C1orf21: variants seen among roughly 807,000 people sequenced by gnomAD.
C1orf21 encodes the protein uncharacterized protein C1orf21.
C1orf21 carries 3 observed loss-of-function variants against 18.7 expected under a neutral mutation model. The ratio of observed to expected loss-of-function variants is 0.16; its 90% CI spans 0.07 to 0.42. C1orf21 has a LOEUF of 0.42. C1orf21 is among the 10% of genes least tolerant of loss of function. The pLI, the probability that C1orf21 is intolerant of heterozygous loss-of-function variation, is 0.99. For synonymous variants in C1orf21, 41 were observed against 46.4 expected, an observed-to-expected ratio of 0.88 and a Z score of 0.47; for missense variants, 104 against 143.6, an observed-to-expected ratio of 0.72 and a Z score of 1.41.
intron 3 of C1orf21, among the ~76,000 whole-genome samples, chr1:184,579,789 A>G (rs568027959): frequency 2.8e-4 from 42 of 152,222 alleles, no homozygotes; most frequent in Middle Eastern, 3.4e-3. Flanking sequence ...GATTACAGGC[A>G]TGAGCCACTG....
At chr1:184,469,573 A>G (rs1657462727) in intron 1 of C1orf21, among the ~76,000 whole-genome samples, 1 of 152,206 alleles carries the variant, frequency 6.6e-6, no homozygotes, top group Non-Finnish European at 1.5e-5. Flanking sequence ...AGTAAACTGC[A>G]GGTTTCTGAG....
chr1:184,624,620 T>C lies in C1orf21; in HGVS notation c.*5064T>C, dbSNP rs1403265677. Reference sequence around the variant, plus strand: ...CACTGACTTGCATTGAAATCCTTTCTTGTGGGCTAGGGTTTGATGTCTCTT... The same window carrying C: ...CACTGACTTGCATTGAAATCCTTTCCTGTGGGCTAGGGTTTGATGTCTCTT... On this transcript the variant is annotated 3_prime_UTR_variant, in exon 6 of 6. Coordinates refer to ENST00000235307, the MANE Select transcript of C1orf21 (RefSeq NM_030806.4). 6.6e-6 allele frequency: 1 copy of C among 152,222 alleles called. No individual in the cohort carries two copies. The highest frequency in any genetic ancestry group is 1.5e-5 in the Non-Finnish European group (1 of 68,048). 9.4% of individuals were successfully genotyped at this position (152,222 alleles called of 1,614,324 possible).
chr1:184,568,724 T>C (rs1466958611), intron 3 of C1orf21, among the ~76,000 whole-genome samples: 1 of 152,214 alleles, frequency 6.6e-6, no homozygotes, highest in Non-Finnish European at 1.5e-5. Flanking sequence ...TTTTCTCCCA[T>C]GGAGCCACAG....
Position 184,607,427 on chromosome 1 carries a change from C to T in C1orf21, c.327+8966C>T, listed in dbSNP as rs141671154. 3.0e-3 allele frequency among the ~76,000 whole-genome samples: 453 copies of T among 152,044 alleles called. 4 individuals carry two copies. The highest frequency in any genetic ancestry group is 9.6e-3 in the African/African-American group (399 of 41,462). Reference sequence around the variant, plus strand: ...ATAAAGAAGTAATATTAGTGCAAACCGGTAAAAACCATCAATTAAACTACA... The same window carrying T: ...ATAAAGAAGTAATATTAGTGCAAACTGGTAAAAACCATCAATTAAACTACA... On this transcript the variant is annotated intron_variant, in intron 5 of 5. Coordinates refer to ENST00000235307, the MANE Select transcript of C1orf21 (RefSeq NM_030806.4).
intron 2 of C1orf21, among the ~76,000 whole-genome samples, chr1:184,487,380 C>T (rs1375594659): frequency 3.9e-5 from 6 of 152,298 alleles, no homozygotes; most frequent in East Asian, 1.9e-4. Flanking sequence ...TTGTGCTTTA[C>T]GGTGTATGAG....
chr1:184,424,132 A>G (rs1208585924), intron 1 of C1orf21, among the ~76,000 whole-genome samples: 1 of 152,018 alleles, frequency 6.6e-6, no homozygotes, highest in African/African-American at 2.4e-5. Flanking sequence ...TTTTTCTTGT[A>G]ATACACTGAC....
intron 3 of C1orf21, among the ~76,000 whole-genome samples, chr1:184,510,763 T>C (rs1442310606): frequency 6.6e-6 from 1 of 151,938 alleles, no homozygotes; most frequent in East Asian, 1.9e-4. Flanking sequence ...GTGGATTAAA[T>C]GGAGGCTTTG....
rs1475373724 is a variant in C1orf21 at position 184,411,460 on chromosome 1, C to G, written c.-125+24092C>G. Among the ~76,000 whole-genome samples the G allele has an allele frequency of 2.4e-5, 3 of 127,218 alleles. No individual in the cohort carries two copies. In the East Asian group the frequency reaches 7.2e-4, roughly 31 times the overall value. The allele number at this position is 127,218 out of a possible 152,430, so 83.5% of individuals were successfully genotyped here. On this transcript the variant is annotated intron_variant, in intron 1 of 5. Transcript: ENST00000235307. ...TTTTTGAGACGGAGTCTCACTCTGT[C>G]GCCCAGGCTGGAGTGCAGTGGTGCA... is the stretch of plus-strand genomic sequence containing the variant.
chr1:184,432,884 G>A (rs572518066), intron 1 of C1orf21, among the ~76,000 whole-genome samples: 4 of 152,140 alleles, frequency 2.6e-5, no homozygotes, highest in East Asian at 1.9e-4. Context: ...TAATTTTGCC[G>A]TTTTCTTTAT....
At chr1:184,410,628 T>A (rs1656321271) in intron 1 of C1orf21, among the ~76,000 whole-genome samples, 2 of 2,668 alleles carry the variant, frequency 7.5e-4, no homozygotes, top group East Asian at 0.024. Context: ...TATATATATA[T>A]ATATATATAT....
chr1:184,548,918 A>G (rs1245103461), intron 3 of C1orf21, among the ~76,000 whole-genome samples: 4 of 152,216 alleles, frequency 2.6e-5, no homozygotes, highest in Non-Finnish European at 5.9e-5. Flanking sequence ...ACCCACTAGT[A>G]TATCTTCTTA....
chr1:184,410,653 ATATATATATATTTTT>A lies in C1orf21; in HGVS notation c.-125+23287_-125+23301del, dbSNP rs1656331515. Among the ~76,000 whole-genome samples the A allele has an allele frequency of 3.4e-4, 2 of 5,896 alleles. 1 individual carries two copies. The highest frequency in any genetic ancestry group is 5.0e-3 in the African/African-American group (2 of 400). The allele number at this position is 5,896 out of a possible 152,430, so 3.9% of individuals were successfully genotyped here. A position where few individuals can be genotyped will look rare whatever the true frequency, so the allele number is the denominator to read the frequency against. Reference sequence around the variant, plus strand: ...TATATATATATATATATATATATATATATATATATATTTTTTTTTTTTTTTTTTGAGATGGAGTTT... The same window carrying A: ...TATATATATATATATATATATATATATTTTTTTTTTTTTGAGATGGAGTTT... On this transcript the variant is annotated intron_variant, in intron 1 of 5. Coordinates refer to ENST00000235307, the MANE Select transcript of C1orf21 (RefSeq NM_030806.4).
chr1:184,507,524 G>C, intron 2 of C1orf21, 64 bp from the exon 3 acceptor site: 1 of 1,366,442 alleles, frequency 7.3e-7, no homozygotes, highest in East Asian at 2.4e-5. Context: ...GGGATTTTCT[G>C]ACTGACACTT....
chr1:184,467,046 T>G (rs1019200689), intron 1 of C1orf21, among the ~76,000 whole-genome samples: 4 of 152,174 alleles, frequency 2.6e-5, no homozygotes, highest in African/African-American at 4.8e-5. Flanking sequence ...AAACATAATT[T>G]AAGATTCTCT....
chr1:184,550,947 TG>T (rs1447693585), intron 3 of C1orf21, among the ~76,000 whole-genome samples: 2 of 152,246 alleles, frequency 1.3e-5, no homozygotes, highest in Non-Finnish European at 2.9e-5. Context: ...AAGAATTTTT[TG>T]ATAACAAAAT....
chr1:184,454,491 T>C (rs1571365779), intron 1 of C1orf21, among the ~76,000 whole-genome samples: 1 of 152,100 alleles, frequency 6.6e-6, no homozygotes. Context: ...TGGTTCTGTG[T>C]CCCCACCAAA....
At chr1:184,561,233 A>AC (rs1414112416) in intron 3 of C1orf21, among the ~76,000 whole-genome samples, 1 of 152,100 alleles carries the variant, frequency 6.6e-6, no homozygotes, top group Non-Finnish European at 1.5e-5. Context: ...CTCTCACCCA[A>AC]CCCACTGCCC....
chr1:184,539,831 A>G (rs1658619650), intron 3 of C1orf21, among the ~76,000 whole-genome samples: 1 of 152,170 alleles, frequency 6.6e-6, no homozygotes. Context: ...CTTTAAGGGG[A>G]AGTCTTAAGA....
intron 2 of C1orf21, among the ~76,000 whole-genome samples, chr1:184,506,831 G>C (rs1658069720): frequency 6.6e-6 from 1 of 152,104 alleles, no homozygotes; most frequent in Non-Finnish European, 1.5e-5. Context: ...TGTGTTCTCT[G>C]TCTGGCTGTT....
Sources: gnomAD v4.1 joint callset for allele counts (sites outside exome capture counted in the v4.1 genomes callset) on GRCh38, gnomAD v4.1.1 for gene constraint, MANE v1.5 for transcripts, NCBI Gene and HGNC (gene_info 2026-07-23, HGNC 2026-07-21) for gene names.